Variants in MLF2 observed in about 807,000 individuals in gnomAD.
The protein encoded by MLF2 is myeloid leukemia factor 2.
Under a neutral mutation model 31.4 loss-of-function variants are expected in MLF2, and 12 were observed. The ratio of observed to expected loss-of-function variants is 0.38; its 90% confidence interval spans 0.24 to 0.62. MLF2 has a LOEUF of 0.62. Among genes scored for constraint, MLF2 ranks in the 20% least tolerant of loss-of-function variants. The pLI is 0.58. For synonymous variants in MLF2, 109 were observed against 118.8 expected (o/e 0.92, Z 0.54); for missense variants, 272 against 359.7 (o/e 0.76, Z 1.97).
rs1941641646 is a variant in MLF2, at chr12:6,753,092, G to GCCCCCCTCGGCCAACGGA, written c.-183_-182insTCCGTTGGCCGAGGGGGG. 3 of 390,330 alleles carry GCCCCCCTCGGCCAACGGA rather than the reference G, an allele frequency of 7.7e-6. No individual in the cohort carries two copies. The highest frequency in any genetic ancestry group is 4.5e-5 in the Admixed American group (1 of 22,374). The allele number at this position is 390,330 out of a possible 1,614,324, so 24.2% of individuals were successfully genotyped here. On this transcript the variant is annotated 5_prime_UTR_variant, in exon 1 of 9. Transcript: ENST00000203630. ...CCTCCCACAGCTGCCACCTCCGTAC[G>GCCCCCCTCGGCCAACGGA]GCCCCCTCGGCCAACGGAGCCCGAA...
rs746588060 is a variant in MLF2 at position 6,752,901 on chromosome 12, G to A, written c.-29+38C>T. 5.5e-5 allele frequency: 10 copies of A among 181,852 alleles called. No homozygotes were observed. The highest frequency in any genetic ancestry group is 1.1e-4 in the Non-Finnish European group (10 of 88,064). 11.3% of individuals were successfully genotyped at this position (181,852 alleles called of 1,614,324 possible). ...CCAGACCCTGCAGCCCCGTGGGCCCGCTCCCGTCCGGGGCTGCCAGCTCTG... is the reference window on the plus strand; with the variant it reads ...CCAGACCCTGCAGCCCCGTGGGCCCACTCCCGTCCGGGGCTGCCAGCTCTG... On this transcript the variant is annotated intron_variant, in intron 1 of 8. Transcript: ENST00000203630. This position sits in a 1 kb window ranked among gnomAD's most constrained non-coding sequence, Gnocchi z 4.6.
chr12:6,751,550 T>C (rs1158463385), intron 4 of MLF2, 91 bp downstream of exon 4: 1 of 1,417,184 alleles, frequency 7.1e-7, no homozygotes, highest in African/African-American at 1.4e-5. Flanking sequence ...GGGTTACTCA[T>C]GAAACTATTC....
intron 4 of MLF2, chr12:6,751,041 A>C: frequency 2.3e-6 from 1 of 443,932 alleles, no homozygotes; most frequent in Non-Finnish European, 4.2e-6. Flanking sequence ...AAGCAAGCCA[A>C]AGTAATGGAT....
rs2137777866 is a variant in MLF2 at position 6,748,608 on chromosome 12, C to T, written c.*26-61G>A. 1 of 537,706 alleles carries T rather than the reference C, an allele frequency of 1.9e-6. No individual in the cohort carries two copies. The highest frequency in any genetic ancestry group is 3.4e-5 in the East Asian group (1 of 29,738). The allele number at this position is 537,706 out of a possible 1,614,324, so 33.3% of individuals were successfully genotyped here. On this transcript the variant is annotated intron_variant, in intron 8 of 8. Coordinates refer to ENST00000203630, the MANE Select transcript of MLF2 (RefSeq NM_001382226.1). This position sits in a 1 kb window ranked among gnomAD's most constrained non-coding sequence, Gnocchi z 4.6. ...GGAAGAAAAAACTTACGTTAAGAGC[C>T]AGGAGTTGGGGTTTAATCCCCTATG...
chr12:6,749,896 G>A lies in MLF2; in HGVS notation c.511C>T (p.Arg171Cys), dbSNP rs375780219. The A allele has an allele frequency of 6.2e-7, 1 of 1,614,170 alleles. No homozygotes were observed. The change falls in exon 7 of 9, where the codon CGC becomes TGC. Residue 171 changes from arginine to cysteine, a missense_variant. Coordinates refer to ENST00000203630, the MANE Select transcript of MLF2 (RefSeq NM_001382226.1). The surrounding 1 kb of genome is among the most constrained non-coding windows in gnomAD (Gnocchi z 5.3). ...TGCCGCTCCTCCTGGTCCCCCGTGC[G>A]ATGGTTTCGGGAGCGCTGGAGGATG... ...AHILQRSRNH[R>C]TGDQEERQDY... is the part of the protein sequence containing the mutation.
rs1016382445 is a variant in MLF2 at position 6,752,028 on chromosome 12, T to C, written c.77A>G (p.His26Arg). The C allele has an allele frequency of 1.9e-6, 3 of 1,614,110 alleles. No homozygotes were observed. Among genetic ancestry groups the C allele is most frequent in the African/African-American group, 1.3e-5 (1 of 74,928 alleles). ...GCCACCTGACAACATACGGCTCATA[T>C]GCTGACGGTGAATAGCAAAGGGATC... The part of the protein sequence containing the change: ...LMDPFAIHRQ[H>R]MSRMLSGGFG... Residue 26 changes from histidine (H) to arginine (R), a missense_variant, in exon 3 of 9, where the codon CAT becomes CGT. By Grantham distance (29) the His-to-Arg change is conservative (BLOSUM62 0). Coordinates refer to ENST00000203630, the MANE Select transcript of MLF2 (RefSeq NM_001382226.1). The surrounding 1 kb of genome is among the most constrained non-coding windows in gnomAD (Gnocchi z 4.6).
chr12:6,750,762 C>T lies in MLF2; in HGVS notation c.221G>A (p.Gly74Asp), dbSNP rs759651918. 3.7e-6 allele frequency: 6 copies of T among 1,613,860 alleles called. No homozygotes were observed. Among genetic ancestry groups the T allele is most frequent in the Non-Finnish European group, 5.1e-6 (6 of 1,179,942 alleles). ...VSPFGMLGMS[G>D]GFMDMFGMMN... is the part of the protein sequence containing the mutation. The stretch of plus-strand genomic sequence containing the variant: ...CATCCCAAACATGTCCATGAAACCA[C>T]CCGACTGGAGGAAAGAGATGGAAAA... The change falls in exon 5 of 9, where the codon GGT (glycine) becomes GAT (aspartate). Residue 74 changes from glycine (G) to aspartate (D), a missense_variant. Transcript: ENST00000203630. The surrounding 1 kb of genome is among the most constrained non-coding windows in gnomAD (Gnocchi z 5.3).
chr12:6,750,723 A>G lies in MLF2; in HGVS notation c.260T>C (p.Ile87Thr). 6.2e-7 allele frequency: 1 copy of G among 1,614,098 alleles called. No individual in the cohort carries two copies. The highest frequency in any genetic ancestry group is 8.5e-7 in the Non-Finnish European group (1 of 1,180,006). Residue 87 changes from isoleucine (I) to threonine (T), a missense_variant, in exon 5 of 9, where the codon ATT (isoleucine) becomes ACT (threonine). Physicochemically the swap from Ile to Thr is moderately conservative, Grantham distance 89. Transcript: ENST00000203630. This position sits in a 1 kb window ranked among gnomAD's most constrained non-coding sequence, Gnocchi z 5.3. ...MDMFGMMNDM[I>T]GNMEHMTAGG... Reference sequence around the variant, plus strand: ...TGGGGCAAGTCTCACCATGTTTCCAATCATGTCATTCATCATCCCAAACAT... The same window carrying G: ...TGGGGCAAGTCTCACCATGTTTCCAGTCATGTCATTCATCATCCCAAACAT...
At position 6,748,925 on chromosome 12, in the gene MLF2, T is replaced by C. The variant is rs750988060; in HGVS notation, c.617A>G (p.Gln206Arg). Residue 206 changes from glutamine to arginine, a missense_variant, in exon 8 of 9, where the codon CAG becomes CGG. Gln to Arg is a conservative substitution (Grantham distance 43, BLOSUM62 1). Coordinates refer to ENST00000203630, the MANE Select transcript of MLF2 (RefSeq NM_001382226.1). This position sits in a 1 kb window ranked among gnomAD's most constrained non-coding sequence, Gnocchi z 4.6. Reference sequence around the variant, plus strand: ...AAGCCGCCGAAACTCCAGGGGACGCTGCTGCCGGAATCGGGAGGTCTCCCG... The same window carrying C: ...AAGCCGCCGAAACTCCAGGGGACGCCGCTGCCGGAATCGGGAGGTCTCCCG... ...WRRETSRFRQ[Q>R]RPLEFRRLES... 2.5e-6 allele frequency: 4 copies of C among 1,602,964 alleles called. No individual in the cohort carries two copies. Among genetic ancestry groups the C allele is most frequent in the Non-Finnish European group, 3.4e-6 (4 of 1,175,224 alleles).
chr12:6,750,179 C>T lies in MLF2; in HGVS notation c.397G>A (p.Gly133Arg), dbSNP rs1413299040. The change falls in exon 6 of 9, where the codon GGG (glycine) becomes AGG (arginine). Residue 133 changes from glycine (G) to arginine (R), a missense_variant and splice_region_variant. Coordinates refer to ENST00000203630, the MANE Select transcript of MLF2 (RefSeq NM_001382226.1). The surrounding 1 kb of genome is among the most constrained non-coding windows in gnomAD (Gnocchi z 5.3). Reference protein sequence around the residue: ...ETSEMRSAPGGIRETRRTVRD... With the variant: ...ETSEMRSAPGRIRETRRTVRD... ...GACAGGAGGGCTCCCCAACTCACCC[C>T]GCCTGGTGCCGAGCGCATCTCTGAT... The T allele has an allele frequency of 1.2e-6, 2 of 1,614,218 alleles. No homozygotes were observed. The highest frequency in any genetic ancestry group is 2.2e-5 in the East Asian group (1 of 44,894).
intron 4 of MLF2, 93 bp downstream of exon 4, chr12:6,751,548 C>T (rs1941615029): frequency 7.2e-7 from 1 of 1,391,066 alleles, no homozygotes. Context: ...TGGGGTTACT[C>T]ATGAAACTAT....
At position 6,750,432 on chromosome 12, in the gene MLF2, A is replaced by T. The variant is rs1458581561; in HGVS notation, c.271-127T>A. The T allele has an allele frequency of 2.3e-6, 3 of 1,301,706 alleles. No individual in the cohort carries two copies. The highest frequency in any genetic ancestry group is 4.7e-5 in the Admixed American group (2 of 42,174). 80.6% of individuals were successfully genotyped at this position (1,301,706 alleles called of 1,614,324 possible). A position where few individuals can be genotyped will look rare whatever the true frequency, so the allele number is the denominator to read the frequency against. ...AAAATGCAAGAACTGAAAAAACATC[A>T]GGCCTCATCATTACCCTCCCAAATT... is the stretch of plus-strand genomic sequence containing the variant. On this transcript the variant is annotated intron_variant, in intron 5 of 8. Transcript: ENST00000203630. This position sits in a 1 kb window ranked among gnomAD's most constrained non-coding sequence, Gnocchi z 5.3.
At chr12:6,751,607 T>G (rs1565475235) in intron 4 of MLF2, 34 bp downstream of exon 4, 1 of 1,604,502 alleles carries the variant, frequency 6.2e-7, no homozygotes, top group Non-Finnish European at 8.5e-7. Flanking sequence ...AGAGTGTGTC[T>G]GAGATGGAAG....
rs1252749764 is a variant in MLF2 at position 6,750,311 on chromosome 12, G to A, written c.271-6C>T. 1 of 1,613,660 alleles carries A rather than the reference G, an allele frequency of 6.2e-7. No homozygotes were observed. The highest frequency in any genetic ancestry group is 8.5e-7 in the Non-Finnish European group (1 of 1,179,854). On this transcript the variant is annotated splice_region_variant and splice_polypyrimidine_tract_variant and intron_variant, in intron 5 of 8. Coordinates refer to ENST00000203630, the MANE Select transcript of MLF2 (RefSeq NM_001382226.1). The surrounding 1 kb of genome is among the most constrained non-coding windows in gnomAD (Gnocchi z 5.3). Reference sequence around the variant, plus strand: ...CCTCCAGCTGTCATGTGTTCCTGAGGACAGGGTAGGTAGGGGAGGGCTGAA... The same window carrying A: ...CCTCCAGCTGTCATGTGTTCCTGAGAACAGGGTAGGTAGGGGAGGGCTGAA...
Position 6,748,902 on chromosome 12 carries a change from G to A in MLF2, c.640C>T (p.Leu214Phe), listed in dbSNP as rs770644193. Residue 214 changes from leucine (L) to phenylalanine (F), a missense_variant, in exon 8 of 9, where the codon CTT (leucine) becomes TTT (phenylalanine). Transcript: ENST00000203630. The surrounding 1 kb of genome is among the most constrained non-coding windows in gnomAD (Gnocchi z 4.6). ...RQQRPLEFRR[L>F]ESSGAGGRRA... ...CGTCCCCCAGCCCCTGAGGACTCAA[G>A]CCGCCGAAACTCCAGGGGACGCTGC... is the stretch of plus-strand genomic sequence containing the variant. 2.5e-6 allele frequency: 4 copies of A among 1,601,900 alleles called. No homozygotes were observed. Among genetic ancestry groups the A allele is most frequent in the Non-Finnish European group, 3.4e-6 (4 of 1,175,052 alleles).
rs1592485816 is a variant in MLF2 at position 6,752,639 on chromosome 12, A to G, written c.-28-277T>C. On this transcript the variant is annotated intron_variant, in intron 1 of 8. Coordinates refer to ENST00000203630, the MANE Select transcript of MLF2 (RefSeq NM_001382226.1). The surrounding 1 kb of genome is among the most constrained non-coding windows in gnomAD (Gnocchi z 4.6). ...TCTTCCCAAAGCTCTGGCCGGTAGC[A>G]TACTCTCCCCTCCTCCCGCCGACGA... 6 of 329,834 alleles carry G rather than the reference A, an allele frequency of 1.8e-5. No homozygotes were observed. The East Asian group carries it at 3.4e-4, about 19-fold the overall frequency. The allele number at this position is 329,834 out of a possible 1,614,324, so 20.4% of individuals were successfully genotyped here. A position where few individuals can be genotyped will look rare whatever the true frequency, so the allele number is the denominator to read the frequency against.
In MLF2 at chr12:6,752,606, A is replaced by G. The variant is rs769798563; in HGVS notation, c.-28-244T>C. 7 of 424,644 alleles carry G rather than the reference A, an allele frequency of 1.6e-5. No homozygotes were observed. The highest frequency in any genetic ancestry group is 3.0e-5 in the Non-Finnish European group (7 of 232,138). The allele number at this position is 424,644 out of a possible 1,614,324, so 26.3% of individuals were successfully genotyped here. A position where few individuals can be genotyped will look rare whatever the true frequency, so the allele number is the denominator to read the frequency against. On this transcript the variant is annotated intron_variant, in intron 1 of 8. Coordinates refer to ENST00000203630, the MANE Select transcript of MLF2 (RefSeq NM_001382226.1). The surrounding 1 kb of genome is among the most constrained non-coding windows in gnomAD (Gnocchi z 4.6). ...CTCGGTTTTTCCCTCCCCCACTCAG[A>G]GCCATCCTCTTCCCAAAGCTCTGGC...
Position 6,752,963 on chromosome 12 carries a change from C to T in MLF2, c.-53G>A, listed in dbSNP as rs1941639508. The stretch of plus-strand genomic sequence containing the variant: ...CCAGTGCCCGATTCGGGCTCAGCGG[C>T]CCATCCGGCCGGTTTCGCTTCCCGG... On this transcript the variant is annotated 5_prime_UTR_variant, in exon 1 of 9. Transcript: ENST00000203630. This position sits in a 1 kb window ranked among gnomAD's most constrained non-coding sequence, Gnocchi z 4.6. The T allele has an allele frequency of 1.2e-5, 3 of 258,380 alleles. No homozygotes were observed. Among genetic ancestry groups the T allele is most frequent in the Admixed American group, 5.4e-5 (1 of 18,350 alleles). The allele number at this position is 258,380 out of a possible 1,614,324, so 16.0% of individuals were successfully genotyped here.
In MLF2 at chr12:6,752,156, C is replaced by G; in HGVS notation, c.51-102G>C. 1 of 1,568,604 alleles carries G rather than the reference C, an allele frequency of 6.4e-7. No homozygotes were observed. On this transcript the variant is annotated intron_variant, in intron 2 of 8. Coordinates refer to ENST00000203630, the MANE Select transcript of MLF2 (RefSeq NM_001382226.1). The surrounding 1 kb of genome is among the most constrained non-coding windows in gnomAD (Gnocchi z 4.6). ...CACAGAGCAACAGTGGCACCGATGC[C>G]TACTTCCTGCTAGGTAGGAGCTAGG... is the stretch of plus-strand genomic sequence containing the variant.
Sources: gnomAD v4.1 joint callset for allele counts on GRCh38, gnomAD v4.1.1 for gene constraint, Gnocchi (gnomAD v3.1) non-coding constraint, MANE v1.5 for transcripts, NCBI Gene and HGNC (gene_info 2026-07-23, HGNC 2026-07-21) for gene names.